Variants in ROBO2 observed in about 807,000 individuals in gnomAD.
ROBO2 encodes roundabout homolog 2.
ROBO2 carries 53 observed loss-of-function variants against 160.8 expected under a neutral mutation model. The ratio of observed to expected loss-of-function variants is 0.33; its 90% CI spans 0.26 to 0.41. The LOEUF (loss-of-function observed/expected upper bound fraction) is 0.41. ROBO2 is among the 10% of genes least tolerant of loss of function. The pLI is 1.00. For missense variants in ROBO2, 1,577 were observed against 1,722.4 expected (o/e 0.92, Z 1.49); for synonymous variants, 664 against 611.7 (o/e 1.09, Z -1.26).
rs182482373 is a variant in ROBO2 at position 76,219,368 on chromosome 3, C to T, written c.109+281766C>T. 1.2e-3 allele frequency among the ~76,000 whole-genome samples: 183 copies of T among 152,116 alleles called. 3 individuals carry two copies. Among genetic ancestry groups the T allele is most frequent in the Admixed American group, 8.1e-3 (124 of 15,272 alleles). On this transcript the variant is annotated intron_variant, in intron 2 of 26. Transcript: ENST00000487694. ...AGAGCTTGTGCACAGCAAAAGAAAC[C>T]ACCATCAGAGTGAACAGGCAACCTA... is the stretch of plus-strand genomic sequence containing the variant.
At chr3:77,077,773 G>A (rs1256775213) in intron 1 of ROBO2, among the ~76,000 whole-genome samples, 5 of 152,146 alleles carry the variant, frequency 3.3e-5, no homozygotes, top group Non-Finnish European at 7.4e-5. Context: ...CTGTAACAGA[G>A]GTGTGGAATA....
chr3:77,169,638 C>T (rs1319509834), intron 2 of ROBO2, among the ~76,000 whole-genome samples: 1 of 152,240 alleles, frequency 6.6e-6, no homozygotes, highest in Non-Finnish European at 1.5e-5. Context: ...TGAGTGAAAA[C>T]TTTTCTGTGT....
chr3:77,052,252 T>C (rs958018469), intron 1 of ROBO2, among the ~76,000 whole-genome samples: 3 of 152,196 alleles, frequency 2.0e-5, no homozygotes, highest in Non-Finnish European at 4.4e-5. Flanking sequence ...TCTTTCCCTT[T>C]AAAAACTTTT....
At chr3:76,348,120 G>A (rs2074642609) in intron 2 of ROBO2, among the ~76,000 whole-genome samples, 3 of 142,258 alleles carry the variant, frequency 2.1e-5, no homozygotes, top group South Asian at 2.1e-4. Flanking sequence ...AGCACTGTCC[G>A]CCATCATTCC....
chr3:76,239,921 T>C (rs1705187206), intron 2 of ROBO2, among the ~76,000 whole-genome samples: 1 of 151,940 alleles, frequency 6.6e-6, no homozygotes, highest in Admixed American at 6.6e-5. Context: ...ACCATGTTGA[T>C]GATGAGAGGT....
chr3:76,192,397 T>C (rs1056961573), intron 2 of ROBO2, among the ~76,000 whole-genome samples: 1 of 152,080 alleles, frequency 6.6e-6, no homozygotes, highest in Admixed American at 6.6e-5. Flanking sequence ...CTTGTTGGTA[T>C]AAAAATAAAT....
chr3:76,398,089 T>G (rs1462111438), intron 2 of ROBO2, among the ~76,000 whole-genome samples: 2 of 152,136 alleles, frequency 1.3e-5, no homozygotes, highest in Non-Finnish European at 2.9e-5. Flanking sequence ...TGTCCAACAA[T>G]GATAGACTGG....
At chr3:77,076,453 G>GT (rs2068016049) in intron 1 of ROBO2, among the ~76,000 whole-genome samples, 2 of 151,946 alleles carry the variant, frequency 1.3e-5, no homozygotes, top group Non-Finnish European at 2.9e-5. Context: ...TAAAGTTTGT[G>GT]TTTTTAAGCG....
At chr3:76,639,338 GTGTA>G (rs1336667769) in intron 2 of ROBO2, among the ~76,000 whole-genome samples, 3 of 151,620 alleles carry the variant, frequency 2.0e-5, no homozygotes, top group Non-Finnish European at 2.9e-5. Context: ...ATATGTGTGT[GTGTA>G]TGTATATGTA....
chr3:76,770,924 C>T (rs897264445), intron 2 of ROBO2, among the ~76,000 whole-genome samples: 5 of 151,278 alleles, frequency 3.3e-5, no homozygotes, highest in African/African-American at 1.2e-4. Context: ...TCCAGACCTA[C>T]TTTCTCACCC....
intron 12 of ROBO2, among the ~76,000 whole-genome samples, chr3:77,566,982 G>A (rs1258572812): frequency 6.6e-6 from 1 of 151,614 alleles, no homozygotes; most frequent in Non-Finnish European, 1.5e-5. Flanking sequence ...TGGATTATCA[G>A]CATCAAAACA....
intron 2 of ROBO2, among the ~76,000 whole-genome samples, chr3:77,034,199 T>A (rs543506923): frequency 6.6e-6 from 1 of 151,968 alleles, no homozygotes; most frequent in African/African-American, 2.4e-5. Flanking sequence ...ATATGTCATA[T>A]TATTGCTTTA....
chr3:76,199,420 C>G (rs1702413668), intron 2 of ROBO2, among the ~76,000 whole-genome samples: 1 of 152,080 alleles, frequency 6.6e-6, no homozygotes, highest in African/African-American at 2.4e-5. Flanking sequence ...TGGATTCTCC[C>G]CTAGAGCTTC....
intron 2 of ROBO2, among the ~76,000 whole-genome samples, chr3:75,965,771 T>C (rs1949087762): frequency 6.6e-6 from 1 of 151,612 alleles, no homozygotes; most frequent in Admixed American, 6.6e-5. Context: ...ATTAATAGAT[T>C]TTAGAATTAA....
At position 76,839,298 on chromosome 3, in the gene ROBO2, G is replaced by C. The variant is rs905405301; in HGVS notation, c.110-258716G>C. Reference sequence around the variant, plus strand: ...GACATTCAGTGAAATAAAAGCCTTGGACTCAGACACAATAGAGTTTAAAGT... The same window carrying C: ...GACATTCAGTGAAATAAAAGCCTTGCACTCAGACACAATAGAGTTTAAAGT... On this transcript the variant is annotated intron_variant, in intron 2 of 26. Coordinates refer to the ROBO2 transcript ENST00000487694. Among the ~76,000 whole-genome samples, 3 of 152,140 alleles carry C rather than the reference G, an allele frequency of 2.0e-5. No homozygotes were observed. The East Asian group carries it at 5.8e-4, about 29-fold the overall frequency.
intron 2 of ROBO2, among the ~76,000 whole-genome samples, chr3:77,444,062 T>C (rs1348507036): frequency 2.0e-5 from 3 of 152,218 alleles, no homozygotes; most frequent in African/African-American, 4.8e-5. Flanking sequence ...TTATTATCTT[T>C]GTCCATGCCT....
chr3:76,018,473 G>A (rs139074709), intron 2 of ROBO2, among the ~76,000 whole-genome samples: 3 of 151,156 alleles, frequency 2.0e-5, no homozygotes, highest in South Asian at 2.1e-4. Flanking sequence ...TTTTATAATC[G>A]CATTTCTTCT....
intron 2 of ROBO2, among the ~76,000 whole-genome samples, chr3:76,228,545 AAATG>A (rs1185904325): frequency 2.0e-5 from 3 of 152,220 alleles, no homozygotes; most frequent in Non-Finnish European, 4.4e-5. Flanking sequence ...AATTATTAGA[AAATG>A]AATGAATTCA....
At chr3:77,074,872 A>G (rs1278727777) in intron 1 of ROBO2, among the ~76,000 whole-genome samples, 1 of 152,224 alleles carries the variant, frequency 6.6e-6, no homozygotes, top group Non-Finnish European at 1.5e-5. Flanking sequence ...AGTATTTAAA[A>G]TGCTACATGT....
Sources: allele counts gnomAD v4.1 joint callset (sites outside exome capture counted in the v4.1 genomes callset), GRCh38; gene constraint gnomAD v4.1.1; transcripts MANE v1.5; gene names NCBI Gene and HGNC (gene_info 2026-07-23, HGNC 2026-07-21).